WDR70: variants seen among roughly 807,000 people sequenced by gnomAD.
WDR70 encodes WD repeat domain 70, also known as WD repeat-containing protein 70.
Under a neutral mutation model 88.6 loss-of-function variants are expected in WDR70, and 53 were observed. The observed-to-expected ratio is 0.60, with a 90% confidence interval of 0.48 to 0.75. The LOEUF is 0.75. Among genes scored for constraint, WDR70 ranks in the 30% least tolerant of loss-of-function variants. The pLI is 0.00. For synonymous variants in WDR70, 280 were observed against 270.0 expected (o/e 1.04, Z -0.36); for missense variants, 610 against 823.2 (o/e 0.74, Z 3.17).
chr5:37,457,416 A>T (rs1738876627), intron 7 of WDR70, among the ~76,000 whole-genome samples: 1 of 152,166 alleles, frequency 6.6e-6, no homozygotes, highest in South Asian at 2.1e-4. Context: ...ATTCTGATGT[A>T]AACTGTAAAC....
At chr5:37,386,949 T>A (rs1748636912) in intron 3 of WDR70, among the ~76,000 whole-genome samples, 1 of 151,960 alleles carries the variant, frequency 6.6e-6, no homozygotes, top group South Asian at 2.1e-4. Context: ...GATACAAAAA[T>A]TAACCGGGTG....
intron 9 of WDR70, among the ~76,000 whole-genome samples, chr5:37,550,617 T>A (rs1333667204): frequency 1.3e-5 from 2 of 152,196 alleles, no homozygotes; most frequent in African/African-American, 2.4e-5. Flanking sequence ...TTATTTTCAG[T>A]CTGTGTGTCT....
chr5:37,406,917 T>C (rs1749370543), intron 5 of WDR70, among the ~76,000 whole-genome samples: 2 of 152,184 alleles, frequency 1.3e-5, no homozygotes, highest in Admixed American at 1.3e-4. Context: ...AAGACTGCAT[T>C]ATAAGGAAGA....
intron 7 of WDR70, among the ~76,000 whole-genome samples, chr5:37,454,481 TA>T (rs1738773508): frequency 6.6e-6 from 1 of 152,172 alleles, no homozygotes; most frequent in African/African-American, 2.4e-5. Flanking sequence ...GTTACTTGAT[TA>T]AAGAGTTTCA....
intron 8 of WDR70, among the ~76,000 whole-genome samples, chr5:37,500,347 A>C (rs546965503): frequency 2.8e-4 from 42 of 152,278 alleles, no homozygotes; most frequent in Admixed American, 2.0e-3. Context: ...ATTGATGGGC[A>C]TTTTGGTTGG....
intron 4 of WDR70, among the ~76,000 whole-genome samples, chr5:37,394,987 T>G (rs1218146079): frequency 6.6e-6 from 1 of 152,212 alleles, no homozygotes; most frequent in South Asian, 2.1e-4. Flanking sequence ...CAGTAGATAT[T>G]GAGTGCCTGT....
At chr5:37,490,500 C>T (rs1435221719) in intron 8 of WDR70, among the ~76,000 whole-genome samples, 2 of 152,136 alleles carry the variant, frequency 1.3e-5, no homozygotes, top group Admixed American at 1.3e-4. Context: ...GTGGCATTGG[C>T]TGCATTGGCT....
At chr5:37,677,541 G>A (rs1328338420) in intron 10 of WDR70, among the ~76,000 whole-genome samples, 17 of 152,254 alleles carry the variant, frequency 1.1e-4, no homozygotes, top group African/African-American at 2.6e-4. Context: ...GTAGTTGAGC[G>A]GTTGTGAGTG....
chr5:37,650,569 G>A (rs1156252126), intron 10 of WDR70, among the ~76,000 whole-genome samples: 3 of 152,148 alleles, frequency 2.0e-5, no homozygotes, highest in African/African-American at 2.4e-5. Flanking sequence ...AAAAATGTAT[G>A]CGTTTAGCTC....
chr5:37,499,663 T>C (rs1740345746), intron 8 of WDR70, among the ~76,000 whole-genome samples: 1 of 148,376 alleles, frequency 6.7e-6, no homozygotes, highest in East Asian at 2.0e-4. Flanking sequence ...CAGCCTGGGC[T>C]CAAACGATCC....
chr5:37,509,112 T>G (rs539043458), intron 8 of WDR70, among the ~76,000 whole-genome samples: 1 of 152,122 alleles, frequency 6.6e-6, no homozygotes, highest in Admixed American at 6.5e-5. Flanking sequence ...CTTCTCTCTC[T>G]TTCTCTCCTT....
intron 9 of WDR70, among the ~76,000 whole-genome samples, chr5:37,541,726 C>T (rs370845728): frequency 1.6e-3 from 236 of 152,072 alleles, no homozygotes; most frequent in African/African-American, 5.3e-3. Flanking sequence ...ACACAATAGC[C>T]GTAGGATCCA....
chr5:37,576,055 C>CT (rs1561908549), intron 9 of WDR70, among the ~76,000 whole-genome samples: 1 of 149,992 alleles, frequency 6.7e-6, no homozygotes. Flanking sequence ...TCCTTCCTTC[C>CT]AACTTCCTTC....
intron 10 of WDR70, among the ~76,000 whole-genome samples, chr5:37,665,527 G>A (rs765083733): frequency 6.6e-6 from 1 of 152,136 alleles, no homozygotes; most frequent in Non-Finnish European, 1.5e-5. Context: ...GGAACAGAAG[G>A]GTTGCCACAA....
rs745636338 is a variant in WDR70 at position 37,726,890 on chromosome 5, T to C, written c.1722T>C (p.Gly574=). The C allele has an allele frequency of 6.3e-7, 1 of 1,583,564 alleles. No homozygotes were observed. Among genetic ancestry groups the C allele is most frequent in the South Asian group, 1.2e-5 (1 of 85,538 alleles). ...TTTTTTCTTTTGCAATAGGTCGTGG[T>C]GGCCGAGTTGGAACCCACGGGGGCA... ...PEPPVAGPGR[G]GRVGTHGGTL... is the part of the protein sequence containing the mutation. Residue 574 remains glycine, a synonymous_variant, in exon 17 of 18, where the codon GGT becomes GGC. Coordinates refer to ENST00000265107, the MANE Select transcript of WDR70 (RefSeq NM_018034.4).
chr5:37,688,387 A>G (rs955925395), intron 10 of WDR70, among the ~76,000 whole-genome samples: 1 of 152,188 alleles, frequency 6.6e-6, no homozygotes, highest in African/African-American at 2.4e-5. Flanking sequence ...TCACTCATGA[A>G]ATGATAGGTC....
At chr5:37,521,177 T>C (rs1394476875) in intron 9 of WDR70, among the ~76,000 whole-genome samples, 1 of 152,226 alleles carries the variant, frequency 6.6e-6, no homozygotes, top group Non-Finnish European at 1.5e-5. Context: ...TTTTAACTTT[T>C]ATGAGCACTA....
intron 9 of WDR70, among the ~76,000 whole-genome samples, chr5:37,550,674 G>A (rs1742115745): frequency 6.6e-6 from 1 of 152,112 alleles, no homozygotes. Context: ...AGTGAGTCTT[G>A]TTCTTTTATC....
At chr5:37,479,154 G>A (rs1286716352) in intron 7 of WDR70, among the ~76,000 whole-genome samples, 1 of 151,962 alleles carries the variant, frequency 6.6e-6, no homozygotes, top group Non-Finnish European at 1.5e-5. Context: ...GAGGAAGAAA[G>A]TTCAGGTAAA....
Sources: allele counts gnomAD v4.1 joint callset (sites outside exome capture counted in the v4.1 genomes callset), GRCh38; gene constraint gnomAD v4.1.1; transcripts MANE v1.5; gene names NCBI Gene and HGNC (gene_info 2026-07-23, HGNC 2026-07-21).